BABAM2: variants seen among roughly 807,000 people sequenced by gnomAD.
BABAM2 encodes the protein BRISC and BRCA1-A complex member 2.
A neutral mutation model predicts 54.7 loss-of-function variants in BABAM2; 31 were observed. That is an observed-to-expected ratio of 0.57 (90% CI 0.43 to 0.77). The LOEUF (loss-of-function observed/expected upper bound fraction) is 0.77, where lower values mean the gene tolerates loss of function less well. BABAM2 is among the 30% of genes least tolerant of loss of function. The pLI, the probability that BABAM2 is intolerant of heterozygous loss-of-function variation, is 0.00. For synonymous variants in BABAM2, 167 were observed against 162.9 expected (o/e 1.03, Z -0.19); for missense variants, 364 against 455.8 (o/e 0.80, Z 1.83).
intron 6 of BABAM2, among the ~76,000 whole-genome samples, chr2:28,108,058 T>C (rs926788424): frequency 6.6e-6 from 1 of 152,156 alleles, no homozygotes; most frequent in Admixed American, 6.5e-5. Flanking sequence ...ATTATTTTGC[T>C]GTTCCGTTTT....
intron 10 of BABAM2, among the ~76,000 whole-genome samples, chr2:28,293,058 T>G (rs1687415523): frequency 1.3e-5 from 2 of 152,256 alleles, no homozygotes; most frequent in Non-Finnish European, 1.5e-5. Context: ...CTAACCCTGC[T>G]TGTATTTATT....
At chr2:27,982,837 T>TTA (rs1307086333) in intron 3 of BABAM2, among the ~76,000 whole-genome samples, 2 of 112,620 alleles carry the variant, frequency 1.8e-5, no homozygotes, top group African/African-American at 7.0e-5. Flanking sequence ...TAATATTTCA[T>TTA]TATGTGTACA....
chr2:28,097,354 G>A (rs1666716607), intron 6 of BABAM2, among the ~76,000 whole-genome samples: 1 of 152,148 alleles, frequency 6.6e-6, no homozygotes, highest in Non-Finnish European at 1.5e-5. Flanking sequence ...AGGAAGCAGA[G>A]CTTTGTGTAC....
chr2:28,179,998 T>G (rs934156603), intron 7 of BABAM2, among the ~76,000 whole-genome samples: 3 of 152,070 alleles, frequency 2.0e-5, no homozygotes, highest in African/African-American at 7.2e-5. Flanking sequence ...CAGCCTACCC[T>G]CATGAATCAA....
At chr2:28,317,628 C>G (rs1689675496) in intron 11 of BABAM2, among the ~76,000 whole-genome samples, 1 of 152,208 alleles carries the variant, frequency 6.6e-6, no homozygotes, top group Admixed American at 6.5e-5. Context: ...ACCAAGAAAA[C>G]TTGTTTTGAA....
At chr2:28,119,100 G>A (rs1668844302) in intron 6 of BABAM2, among the ~76,000 whole-genome samples, 1 of 152,182 alleles carries the variant, frequency 6.6e-6, no homozygotes, top group Non-Finnish European at 1.5e-5. Flanking sequence ...TTTGGTACCA[G>A]TACTATGCTG....
intron 3 of BABAM2, among the ~76,000 whole-genome samples, chr2:27,938,158 C>A (rs1012491072): frequency 6.6e-6 from 1 of 152,116 alleles, no homozygotes; most frequent in South Asian, 2.1e-4. Context: ...ATTTTAGCAA[C>A]CTTAAATCTA....
At position 28,326,588 on chromosome 2, in the gene BABAM2, G is replaced by A. The variant is rs371996756; in HGVS notation, c.1089-11862G>A. Among the ~76,000 whole-genome samples, 116 of 152,304 alleles carry A rather than the reference G, an allele frequency of 7.6e-4. No homozygotes were observed. In the Middle Eastern group the frequency reaches 0.01, roughly 13 times the overall value. On this transcript the variant is annotated intron_variant, in intron 11 of 11. Coordinates refer to ENST00000379624, the MANE Select transcript of BABAM2 (RefSeq NM_199191.3). Reference sequence around the variant, plus strand: ...GCCATTCCTGCCTCTCATCAAGCAGGTTATGATGGGCACGGCAGTCTGAGA... The same window carrying A: ...GCCATTCCTGCCTCTCATCAAGCAGATTATGATGGGCACGGCAGTCTGAGA...
At chr2:28,309,968 T>G in intron 11 of BABAM2, 2 of 1,171,622 alleles carry the variant, frequency 1.7e-6, no homozygotes, top group Non-Finnish European at 2.5e-6. Context: ...CTTATGGGGT[T>G]TAGAAGTAGA....
chr2:27,933,172 A>G (rs970103425), intron 3 of BABAM2, among the ~76,000 whole-genome samples: 1 of 152,206 alleles, frequency 6.6e-6, no homozygotes, highest in African/African-American at 2.4e-5. Context: ...GAAACCTTTA[A>G]TAACATTTGT....
chr2:28,212,842 A>T (rs1045660418), intron 7 of BABAM2, among the ~76,000 whole-genome samples: 2 of 39,702 alleles, frequency 5.0e-5, no homozygotes, highest in African/African-American at 7.8e-5. Context: ...TCCTGAAATC[A>T]TAAAATCTTA....
At chr2:28,155,459 C>T (rs575860718) in intron 7 of BABAM2, among the ~76,000 whole-genome samples, 29 of 151,980 alleles carry the variant, frequency 1.9e-4, no homozygotes, top group Admixed American at 1.5e-3. Flanking sequence ...TGGAGTACAC[C>T]GTATTTTAAT....
At chr2:27,971,513 A>G (rs559010962) in intron 3 of BABAM2, among the ~76,000 whole-genome samples, 194 of 152,232 alleles carry the variant, frequency 1.3e-3, no homozygotes, top group South Asian at 7.2e-3. Flanking sequence ...ATCAGTAAAT[A>G]CAAAGCTACT....
intron 11 of BABAM2, among the ~76,000 whole-genome samples, chr2:28,330,663 C>T (rs1405345209): frequency 6.6e-6 from 1 of 152,192 alleles, no homozygotes; most frequent in Non-Finnish European, 1.5e-5. Context: ...CTACAAACCA[C>T]TGCTCAAGGA....
intron 10 of BABAM2, among the ~76,000 whole-genome samples, chr2:28,277,114 C>G (rs1685942922): frequency 6.6e-6 from 1 of 152,096 alleles, no homozygotes. Flanking sequence ...TCCATTTATT[C>G]ATTTATTTTT....
intron 7 of BABAM2, among the ~76,000 whole-genome samples, chr2:28,235,020 G>T (rs1338825302): frequency 6.6e-6 from 1 of 152,204 alleles, no homozygotes; most frequent in Non-Finnish European, 1.5e-5. Context: ...GTCAAACACT[G>T]TCTTATAATT....
At chr2:27,949,296 G>A (rs1257104413) in intron 3 of BABAM2, among the ~76,000 whole-genome samples, 2 of 152,208 alleles carry the variant, frequency 1.3e-5, no homozygotes, top group East Asian at 3.8e-4. Flanking sequence ...ACTTTGGGAG[G>A]CCGAGACAGG....
At chr2:27,979,226 G>A (rs1181790643) in intron 3 of BABAM2, among the ~76,000 whole-genome samples, 1 of 151,756 alleles carries the variant, frequency 6.6e-6, no homozygotes, top group African/African-American at 2.4e-5. Flanking sequence ...TAGAGACGTG[G>A]TTTCGCCATG....
chr2:28,222,439 A>C (rs1680500199), intron 7 of BABAM2, among the ~76,000 whole-genome samples: 1 of 152,202 alleles, frequency 6.6e-6, no homozygotes. Flanking sequence ...ATTCCACGTG[A>C]GTCTGAGCGA....
Sources: gnomAD v4.1 joint callset for allele counts (sites outside exome capture counted in the v4.1 genomes callset) on GRCh38, gnomAD v4.1.1 for gene constraint, MANE v1.5 for transcripts, NCBI Gene and HGNC (gene_info 2026-07-23, HGNC 2026-07-21) for gene names.